SUV39H2: variants seen among roughly 807,000 people sequenced by gnomAD.
SUV39H2 encodes the protein SUV39H2 histone lysine methyltransferase.
A neutral mutation model predicts 47.5 loss-of-function variants in SUV39H2; 10 were observed. The ratio of observed to expected loss-of-function variants is 0.21; its 90% CI spans 0.13 to 0.36. SUV39H2 has a LOEUF of 0.36. SUV39H2 is among the 10% of genes least tolerant of loss of function. The pLI, the probability that SUV39H2 is intolerant of heterozygous loss-of-function variation, is 1.00. For missense variants in SUV39H2, 266 were observed against 487.4 expected, an observed-to-expected ratio of 0.55 and a Z score of 4.28; for synonymous variants, 159 against 166.8, an observed-to-expected ratio of 0.95 and a Z score of 0.36.
At chr10:14,889,768 A>AG (rs779368095) in intron 2 of SUV39H2, among the ~76,000 whole-genome samples, 37 of 152,294 alleles carry the variant, frequency 2.4e-4, no homozygotes, top group Non-Finnish European at 4.7e-4. Flanking sequence ...GGCAGGAAAA[A>AG]GGGTTGTTAC....
At chr10:14,893,283 G>A (rs1001901514) in intron 2 of SUV39H2, among the ~76,000 whole-genome samples, 1 of 152,018 alleles carries the variant, frequency 6.6e-6, no homozygotes, top group Non-Finnish European at 1.5e-5. Context: ...GATTACAGGC[G>A]TGAGCCACCG....
At chr10:14,889,422 A>G (rs916782559) in intron 2 of SUV39H2, among the ~76,000 whole-genome samples, 3 of 152,358 alleles carry the variant, frequency 2.0e-5, no homozygotes, top group Non-Finnish European at 2.9e-5. Flanking sequence ...AAAAGTTTAT[A>G]TCTCAGAGGA....
In SUV39H2 at chr10:14,901,124, C is replaced by T; in HGVS notation, c.997-9C>T. On this transcript the variant is annotated splice_polypyrimidine_tract_variant and intron_variant, in intron 4 of 5. Transcript: ENST00000354919. ...TTGTACTTAAATGGGTTCTAATGTT[C>T]CTTTTTAGTGTGACCCAAATCTTCA... is the stretch of plus-strand genomic sequence containing the variant. 6.2e-7 allele frequency: 1 copy of T among 1,613,434 alleles called. No individual in the cohort carries two copies. Among genetic ancestry groups the T allele is most frequent in the Non-Finnish European group, 8.5e-7 (1 of 1,179,666 alleles).
At chr10:14,901,083 G>A (rs200194501) in intron 4 of SUV39H2, 50 bp from the exon 5 acceptor site, 4 of 1,599,848 alleles carry the variant, frequency 2.5e-6, no homozygotes, top group Non-Finnish European at 2.6e-6. Context: ...CATGTAGAAG[G>A]GCTTGTTTAC....
At chr10:14,902,347 AATTT>A (rs1240810335) in intron 5 of SUV39H2, 55 bp from the exon 6 acceptor site, 2 of 1,242,512 alleles carry the variant, frequency 1.6e-6, no homozygotes, top group South Asian at 1.5e-5. Context: ...GAAAATTTGA[AATTT>A]ATTCTAAATT....
intron 2 of SUV39H2, among the ~76,000 whole-genome samples, chr10:14,895,476 G>A (rs971222396): frequency 1.6e-4 from 24 of 152,070 alleles, no homozygotes; most frequent in African/African-American, 5.1e-4. Flanking sequence ...GCACCCAGCC[G>A]GAACTGCCTT....
intron 2 of SUV39H2, among the ~76,000 whole-genome samples, chr10:14,894,920 A>G (rs1222930189): frequency 1.3e-5 from 2 of 152,184 alleles, no homozygotes; most frequent in East Asian, 1.9e-4. Context: ...ACTTTGTAAT[A>G]AAAACTTTCT....
intron 4 of SUV39H2, among the ~76,000 whole-genome samples, chr10:14,900,384 A>G (rs1414773234): frequency 3.9e-5 from 6 of 152,230 alleles, no homozygotes; most frequent in Non-Finnish European, 2.9e-5. Context: ...GTGTGCCACA[A>G]AGTTATATAG....
chr10:14,895,975 A>C (rs1833580430), intron 2 of SUV39H2, among the ~76,000 whole-genome samples: 1 of 145,274 alleles, frequency 6.9e-6, no homozygotes, highest in African/African-American at 2.6e-5. Flanking sequence ...TGAGTCTCGC[A>C]CTCTGTCGCC....
chr10:14,884,427 G>A (rs888339706), intron 2 of SUV39H2, among the ~76,000 whole-genome samples: 8 of 152,178 alleles, frequency 5.3e-5, no homozygotes, highest in African/African-American at 1.9e-4. Flanking sequence ...TAATGATACT[G>A]AGCATCTCCT....
At chr10:14,897,616 G>T in intron 3 of SUV39H2, 99 bp downstream of exon 3, 3 of 1,032,118 alleles carry the variant, frequency 2.9e-6, no homozygotes, top group Non-Finnish European at 2.6e-6. Flanking sequence ...GGTACATTTT[G>T]ATATTTTCAT....
At chr10:14,882,032 A>G (rs1401915154) in intron 2 of SUV39H2, among the ~76,000 whole-genome samples, 1 of 152,178 alleles carries the variant, frequency 6.6e-6, no homozygotes, top group Non-Finnish European at 1.5e-5. Flanking sequence ...GAACATCACC[A>G]TTTGCATTTC....
At position 14,903,683 on chromosome 10, in the gene SUV39H2, A is replaced by T. The variant is rs1834168313; in HGVS notation, c.*1171A>T. The T allele has an allele frequency of 6.6e-6, 1 of 152,240 alleles. No homozygotes were observed. Among genetic ancestry groups the T allele is most frequent in the African/African-American group, 2.4e-5 (1 of 41,470 alleles). The allele number at this position is 152,240 out of a possible 1,614,324, so 9.4% of individuals were successfully genotyped here. A position where few individuals can be genotyped will look rare whatever the true frequency, so the allele number is the denominator to read the frequency against. ...TTTTCAAGGGAGTGGGAGGCTTCCA[A>T]CATAGTATTGAATCTCAGGAAAAAC... On this transcript the variant is annotated 3_prime_UTR_variant, in exon 6 of 6. Coordinates refer to ENST00000354919, the MANE Select transcript of SUV39H2 (RefSeq NM_001193424.2).
At chr10:14,881,376 G>A in intron 1 of SUV39H2, 124 bp from the exon 2 acceptor site, 1 of 786,912 alleles carries the variant, frequency 1.3e-6, no homozygotes, top group South Asian at 5.0e-5. Context: ...CTGGTTTCTT[G>A]TCATAGGAAT....
At chr10:14,896,765 C>A in intron 2 of SUV39H2, 81 bp from the exon 3 acceptor site, 1 of 1,246,376 alleles carries the variant, frequency 8.0e-7, no homozygotes, top group Non-Finnish European at 1.1e-6. Context: ...GGATACCTTA[C>A]TCTTTAAGAT....
chr10:14,885,910 T>C (rs530150890), intron 2 of SUV39H2, among the ~76,000 whole-genome samples: 11 of 152,340 alleles, frequency 7.2e-5, no homozygotes, highest in Non-Finnish European at 1.6e-4. Flanking sequence ...CTAGCTCTGA[T>C]TGCATTCAAG....
At chr10:14,888,959 C>T (rs1014240604) in intron 2 of SUV39H2, among the ~76,000 whole-genome samples, 6 of 152,072 alleles carry the variant, frequency 3.9e-5, no homozygotes, top group Non-Finnish European at 5.9e-5. Context: ...CAAAATTAGC[C>T]GGGCGTGGTG....
intron 2 of SUV39H2, among the ~76,000 whole-genome samples, chr10:14,889,697 C>A (rs1025362100): frequency 2.6e-5 from 4 of 152,084 alleles, no homozygotes; most frequent in Non-Finnish European, 4.4e-5. Context: ...GGGTGGGAAC[C>A]TTGAGCAAAG....
intron 2 of SUV39H2, among the ~76,000 whole-genome samples, chr10:14,883,273 T>A (rs1220195235): frequency 2.0e-5 from 3 of 152,240 alleles, no homozygotes; most frequent in Non-Finnish European, 2.9e-5. Context: ...TCAGAGATTT[T>A]CTTTGGCCTT....
Sources: allele counts gnomAD v4.1 joint callset (sites outside exome capture counted in the v4.1 genomes callset), GRCh38; gene constraint gnomAD v4.1.1; transcripts MANE v1.5; gene names NCBI Gene and HGNC (gene_info 2026-07-23, HGNC 2026-07-21).